The following TBC1D5 variants were observed in gnomAD, a reference collection of about 807,000 sequenced individuals.
TBC1D5 encodes the protein TBC1 domain family member 5, also known as TBC1 domain family, member 5.
In TBC1D5, 75 loss-of-function variants were observed where a neutral mutation model predicts 100.3. The observed-to-expected ratio is 0.75, with a 90% confidence interval of 0.62 to 0.91. The LOEUF is 0.91. TBC1D5 is among the 40% of genes least tolerant of loss of function. The pLI is 0.00. For missense variants in TBC1D5, 910 were observed against 942.4 expected (o/e 0.97, Z 0.45); for synonymous variants, 323 against 325.6 (o/e 0.99, Z 0.09).
At chr3:17,664,092 T>C (rs2066962793) in intron 1 of TBC1D5, among the ~76,000 whole-genome samples, 1 of 152,184 alleles carries the variant, frequency 6.6e-6, no homozygotes. Flanking sequence ...TTTCCTGAGA[T>C]GGAGTCTCAC....
intron 18 of TBC1D5, among the ~76,000 whole-genome samples, chr3:17,208,885 T>C (rs1325946038): frequency 6.6e-6 from 1 of 152,214 alleles, no homozygotes; most frequent in Admixed American, 6.5e-5. Context: ...GATCATCTCC[T>C]CTTCTAATTT....
chr3:17,674,536 A>C (rs1221650493), intron 1 of TBC1D5, among the ~76,000 whole-genome samples: 1 of 152,180 alleles, frequency 6.6e-6, no homozygotes, highest in East Asian at 1.9e-4. Flanking sequence ...TTATCTCATA[A>C]ATCTACTAGA....
At chr3:17,732,113 T>G (rs576086005) in intron 1 of TBC1D5, among the ~76,000 whole-genome samples, 1 of 151,490 alleles carries the variant, frequency 6.6e-6, no homozygotes, top group Non-Finnish European at 1.5e-5. Flanking sequence ...AGGTCAGGAG[T>G]TAGAAACCAG....
intron 2 of TBC1D5, among the ~76,000 whole-genome samples, chr3:17,583,585 G>T (rs757552699): frequency 3.3e-5 from 5 of 152,054 alleles, no homozygotes; most frequent in African/African-American, 4.8e-5. Context: ...GAATTAGCCG[G>T]GCATAGTGGC....
intron 15 of TBC1D5, among the ~76,000 whole-genome samples, chr3:17,277,728 C>G: frequency 6.6e-6 from 1 of 152,122 alleles, no homozygotes; most frequent in East Asian, 1.9e-4. Context: ...GTAATAAGAA[C>G]ATTTTGCATT....
chr3:17,697,489 T>G (rs1436992496), intron 1 of TBC1D5, among the ~76,000 whole-genome samples: 1 of 152,176 alleles, frequency 6.6e-6, no homozygotes, highest in Non-Finnish European at 1.5e-5. Context: ...AAATCACAAG[T>G]GAATTCCCAT....
chr3:17,698,546 A>T (rs1291581030), intron 1 of TBC1D5, among the ~76,000 whole-genome samples: 3 of 151,364 alleles, frequency 2.0e-5, no homozygotes, highest in African/African-American at 4.9e-5. Flanking sequence ...GACAAATGGG[A>T]TCTAATTAAA....
intron 3 of TBC1D5, among the ~76,000 whole-genome samples, chr3:17,438,370 T>C (rs1357746508): frequency 6.6e-6 from 1 of 152,208 alleles, no homozygotes; most frequent in Non-Finnish European, 1.5e-5. Flanking sequence ...TCTTGAATTG[T>C]AGTTCCCATA....
intron 1 of TBC1D5, among the ~76,000 whole-genome samples, chr3:17,641,098 T>C (rs1245314831): frequency 2.6e-5 from 4 of 152,140 alleles, no homozygotes; most frequent in Non-Finnish European, 5.9e-5. Context: ...TTTATGCAGA[T>C]ATGGAAAATT....
At chr3:17,197,757 T>G (rs1451349065) in intron 18 of TBC1D5, among the ~76,000 whole-genome samples, 2 of 152,086 alleles carry the variant, frequency 1.3e-5, no homozygotes, top group East Asian at 3.9e-4. Flanking sequence ...TTCCGCTGGA[T>G]GGGGTGCAGT....
chr3:17,521,670 C>A (rs916606544), intron 2 of TBC1D5, among the ~76,000 whole-genome samples: 2 of 151,798 alleles, frequency 1.3e-5, no homozygotes, highest in African/African-American at 4.8e-5. Flanking sequence ...GGGGGGAAAT[C>A]CAAAGAAAAT....
At chr3:17,482,746 A>G (rs2095515686) in intron 3 of TBC1D5, among the ~76,000 whole-genome samples, 1 of 152,212 alleles carries the variant, frequency 6.6e-6, no homozygotes, top group Non-Finnish European at 1.5e-5. Context: ...ACTATTTTAT[A>G]TGGCTATTTT....
At chr3:17,394,603 A>G (rs1047667735) in intron 8 of TBC1D5, among the ~76,000 whole-genome samples, 2 of 152,132 alleles carry the variant, frequency 1.3e-5, no homozygotes, top group Admixed American at 1.3e-4. Flanking sequence ...CTTACAGATA[A>G]TTTTAAAAGA....
intron 1 of TBC1D5, among the ~76,000 whole-genome samples, chr3:17,650,742 T>G (rs1171789792): frequency 6.6e-6 from 1 of 152,212 alleles, no homozygotes; most frequent in Non-Finnish European, 1.5e-5. Context: ...GGATCATCTT[T>G]AATATATTCT....
chr3:17,526,643 G>C (rs539454133), intron 2 of TBC1D5, among the ~76,000 whole-genome samples: 1 of 152,268 alleles, frequency 6.6e-6, no homozygotes, highest in East Asian at 1.9e-4. Flanking sequence ...CACAGGTTTT[G>C]TGAAGATTAT....
At chr3:17,742,211 C>T (rs1030031897), upstream of TBC1D5, among the ~76,000 whole-genome samples, 8 of 152,152 alleles carry the variant, frequency 5.3e-5, no homozygotes, top group African/African-American at 1.9e-4. Context: ...CCACCCCTCC[C>T]GCCATCCACC....
chr3:17,576,927 T>C (rs1449361310), intron 2 of TBC1D5, among the ~76,000 whole-genome samples: 1 of 152,074 alleles, frequency 6.6e-6, no homozygotes, highest in African/African-American at 2.4e-5. Flanking sequence ...ACCTCACTAA[T>C]TTATAATCAC....
intron 1 of TBC1D5, among the ~76,000 whole-genome samples, chr3:17,653,439 TCA>T (rs566478908): frequency 1.2e-3 from 182 of 152,146 alleles, no homozygotes; most frequent in African/African-American, 4.2e-3. Context: ...ATGTATAACC[TCA>T]GTCTGATCAT....
At chr3:17,626,314 G>A (rs1003413245) in intron 1 of TBC1D5, among the ~76,000 whole-genome samples, 1 of 152,150 alleles carries the variant, frequency 6.6e-6, no homozygotes, top group African/African-American at 2.4e-5. Flanking sequence ...TAAAGTCCAT[G>A]AAAGCTGAGT....
Sources: allele counts gnomAD v4.1 joint callset (sites outside exome capture counted in the v4.1 genomes callset), GRCh38; gene constraint gnomAD v4.1.1; transcripts MANE v1.5; gene names NCBI Gene and HGNC (gene_info 2026-07-23, HGNC 2026-07-21).